USP38: variants seen among roughly 807,000 people sequenced by gnomAD.
USP38 encodes the protein ubiquitin carboxyl-terminal hydrolase 38.
A neutral mutation model predicts 94.3 loss-of-function variants in USP38; 49 were observed. That is an observed-to-expected ratio of 0.52 (90% CI 0.41 to 0.66). USP38 has a LOEUF of 0.66. Among genes scored for constraint, USP38 ranks in the 30% least tolerant of loss-of-function variants. USP38 has a pLI of 0.00. For missense variants in USP38, 1,128 were observed against 1,229.4 expected, an observed-to-expected ratio of 0.92 and a Z score of 1.23; for synonymous variants, 468 against 463.6, an observed-to-expected ratio of 1.01 and a Z score of -0.12.
At chr4:143,189,436 G>A in intron 2 of USP38, among the ~76,000 whole-genome samples, 1 of 151,778 alleles carries the variant, frequency 6.6e-6, no homozygotes, top group Non-Finnish European at 1.5e-5. Flanking sequence ...TGGTTTCTGT[G>A]CCCCTGTTAT....
intron 6 of USP38, among the ~76,000 whole-genome samples, chr4:143,207,533 A>G (rs1731904165): frequency 1.3e-5 from 2 of 152,134 alleles, no homozygotes; most frequent in South Asian, 4.1e-4. Flanking sequence ...GTGAGACTCC[A>G]TCTAAAAAAG....
Position 143,214,321 on chromosome 4 carries a change from A to G in USP38, c.2345A>G (p.Asp782Gly), listed in dbSNP as rs1581168625. 1.9e-6 allele frequency: 3 copies of G among 1,612,670 alleles called. No individual in the cohort carries two copies. The highest frequency in any genetic ancestry group is 1.1e-5 in the South Asian group (1 of 90,794). The change falls in exon 9 of 10, where the codon GAC becomes GGC. Residue 782 changes from aspartate to glycine, a missense_variant. Physicochemically the swap from Asp to Gly is moderately conservative, Grantham distance 94 (BLOSUM62 -1). Transcript: ENST00000307017. ...TATCATGTGAGAAGGAAAATTTTAG[A>G]CAATGTATCACTGCCACTGGTTTTG... ...QKYHVRRKIL[D>G]NVSLPLVLEL...
chr4:143,194,692 G>A (rs1478420215), intron 2 of USP38, among the ~76,000 whole-genome samples: 1 of 152,098 alleles, frequency 6.6e-6, no homozygotes, highest in Non-Finnish European at 1.5e-5. Context: ...ATTTTTAGTG[G>A]AGATGGGGTT....
At position 143,197,823 on chromosome 4, in the gene USP38, G is replaced by A. The variant is rs1731594802; in HGVS notation, c.949G>A (p.Val317Ile). 6.2e-7 allele frequency: 1 copy of A among 1,609,666 alleles called. No individual in the cohort carries two copies. Among genetic ancestry groups the A allele is most frequent in the Non-Finnish European group, 8.5e-7 (1 of 1,177,198 alleles). ...IDVTLLKIELVFNRLWFPLVR... is the reference protein window; with the variant it reads ...IDVTLLKIELIFNRLWFPLVR... The stretch of plus-strand genomic sequence containing the variant: ...GAAGGTGTCTTGTCTTATTTTGAAG[G>A]TTTTTAATCGACTTTGGTTTCCTCT... The change falls in exon 4 of 10, where the codon GTT becomes ATT. Residue 317 changes from valine (V) to isoleucine (I), a missense_variant and splice_region_variant. Val to Ile is a conservative substitution (Grantham distance 29, BLOSUM62 3). Coordinates refer to ENST00000307017, the MANE Select transcript of USP38 (RefSeq NM_032557.6).
intron 5 of USP38, chr4:143,204,621 T>G: frequency 3.2e-6 from 1 of 314,330 alleles, no homozygotes; most frequent in Non-Finnish European, 6.2e-6. Context: ...ATTCCTAGGC[T>G]CAAGTGATCC....
intron 5 of USP38, among the ~76,000 whole-genome samples, chr4:143,204,161 G>A (rs1178156311): frequency 6.6e-6 from 1 of 151,858 alleles, no homozygotes; most frequent in African/African-American, 2.4e-5. Context: ...TGTATTTTTA[G>A]TAGAGACAGG....
intron 7 of USP38, 75 bp from the exon 8 acceptor site, chr4:143,212,241 CTG>C: frequency 8.5e-7 from 1 of 1,174,560 alleles, no homozygotes; most frequent in Non-Finnish European, 1.2e-6. Context: ...TTATTAAACA[CTG>C]TATATTAAGA....
At chr4:143,187,708 T>C (rs1731268970) in intron 1 of USP38, 118 bp from the exon 2 acceptor site, 2 of 1,088,228 alleles carry the variant, frequency 1.8e-6, no homozygotes, top group Non-Finnish European at 2.6e-6. Context: ...TGTAGCATAA[T>C]AATCCTTCCT....
chr4:143,186,763 A>G (rs1731238337), intron 1 of USP38, among the ~76,000 whole-genome samples: 1 of 152,226 alleles, frequency 6.6e-6, no homozygotes, highest in Non-Finnish European at 1.5e-5. Flanking sequence ...GAAGGGTCAC[A>G]TGATACTTGC....
rs1731185656 is a variant in USP38 at position 143,185,428 on chromosome 4, C to A, written c.-23C>A. ...CGCCACCCGCTCCTTATCCCCTGGCCCTGGCCTTGCAGCGTGGCGACAATG... is the reference window on the plus strand; with the variant it reads ...CGCCACCCGCTCCTTATCCCCTGGCACTGGCCTTGCAGCGTGGCGACAATG... On this transcript the variant is annotated 5_prime_UTR_variant, in exon 1 of 10. Coordinates refer to ENST00000307017, the MANE Select transcript of USP38 (RefSeq NM_032557.6). The A allele has an allele frequency of 6.4e-7, 1 of 1,557,584 alleles. No homozygotes were observed. Among genetic ancestry groups the A allele is most frequent in the Non-Finnish European group, 8.7e-7 (1 of 1,148,580 alleles).
chr4:143,188,974 G>A (rs1182249324), intron 2 of USP38, among the ~76,000 whole-genome samples: 1 of 151,916 alleles, frequency 6.6e-6, no homozygotes, highest in Admixed American at 6.6e-5. Context: ...TTTTAGATTT[G>A]ATTAAATATG....
intron 3 of USP38, 62 bp downstream of exon 3, chr4:143,195,907 T>C: frequency 6.9e-7 from 1 of 1,439,254 alleles, no homozygotes; most frequent in South Asian, 1.5e-5. Flanking sequence ...ATTTTTTTCT[T>C]TGGGTGGTAT....
rs1190057372 is a variant in USP38, at chr4:143,185,507, G to A, written c.57G>A (p.Arg19=). The A allele has an allele frequency of 6.2e-7, 1 of 1,611,348 alleles. No homozygotes were observed. The highest frequency in any genetic ancestry group is 1.7e-5 in the Admixed American group (1 of 59,834). Residue 19 remains arginine (R), a synonymous_variant, in exon 1 of 10, where the codon CGG becomes CGA. Transcript: ENST00000307017. ...VSSSHPLPLK[R]VIVRKVVESA... is the part of the protein sequence containing the mutation. Reference sequence around the variant, plus strand: ...CCTCGCATCCCCTGCCCCTCAAGCGGGTGATTGTGCGGAAGGTGGTGGAAT... The same window carrying A: ...CCTCGCATCCCCTGCCCCTCAAGCGAGTGATTGTGCGGAAGGTGGTGGAAT...
intron 4 of USP38, among the ~76,000 whole-genome samples, chr4:143,198,704 G>A (rs1203732194): frequency 1.3e-5 from 2 of 152,114 alleles, no homozygotes; most frequent in Non-Finnish European, 2.9e-5. Flanking sequence ...TTCCACTGAA[G>A]GAAAGTCCAC....
intron 7 of USP38, among the ~76,000 whole-genome samples, chr4:143,211,053 T>C (rs1015016487): frequency 1.3e-5 from 2 of 151,978 alleles, no homozygotes; most frequent in African/African-American, 4.8e-5. Flanking sequence ...TTTTTGTGCT[T>C]TATCACTAGT....
Position 143,187,725 on chromosome 4 carries a change from C to T in USP38, c.683-101C>T, listed in dbSNP as rs529493849. ...TAGCATAATAATCCTTCCTAGTTAA[C>T]ACCTTTGCTGCAATGACTTTTTTTT... On this transcript the variant is annotated intron_variant, in intron 1 of 9. Transcript: ENST00000307017. 39 of 1,281,368 alleles carry T rather than the reference C, an allele frequency of 3.0e-5. No individual in the cohort carries two copies. In the African/African-American group the frequency reaches 5.4e-4, roughly 18 times the overall value. 79.4% of individuals were successfully genotyped at this position (1,281,368 alleles called of 1,614,324 possible).
At position 143,223,830 on chromosome 4, in the gene USP38, A is replaced by G. The variant is rs1282465519; in HGVS notation, c.*3374A>G. On this transcript the variant is annotated 3_prime_UTR_variant, in exon 10 of 10. Transcript: ENST00000307017. ...TTCTCATAAAAATGTGATAGTTTAT[A>G]TATCCTTTCATCATACGTTTTTTCT... The G allele has an allele frequency of 1.3e-5, 2 of 152,114 alleles. No individual in the cohort carries two copies. Among genetic ancestry groups the G allele is most frequent in the Non-Finnish European group, 2.9e-5 (2 of 67,990 alleles). 9.4% of individuals were successfully genotyped at this position (152,114 alleles called of 1,614,324 possible). A position where few individuals can be genotyped will look rare whatever the true frequency, so the allele number is the denominator to read the frequency against.
intron 1 of USP38, among the ~76,000 whole-genome samples, chr4:143,187,608 C>G (rs1009508603): frequency 6.6e-6 from 1 of 152,150 alleles, no homozygotes; most frequent in African/African-American, 2.4e-5. Flanking sequence ...AGTATTCTGT[C>G]TATAGTATGA....
rs140623829 is a variant in USP38, at chr4:143,203,694, A to G, written c.1209+128A>G. 1.1e-4 allele frequency: 108 copies of G among 960,570 alleles called. 1 individual carries two copies. In the East Asian group the frequency reaches 3.2e-3, roughly 28 times the overall value. 59.5% of individuals were successfully genotyped at this position (960,570 alleles called of 1,614,324 possible). ...TTTTTATTTGAAAAATGCAGTTAGA[A>G]TCAGGTTTCATTTAGGGAGTAACAG... On this transcript the variant is annotated intron_variant, in intron 5 of 9. Coordinates refer to ENST00000307017, the MANE Select transcript of USP38 (RefSeq NM_032557.6).
Sources: allele counts gnomAD v4.1 joint callset (sites outside exome capture counted in the v4.1 genomes callset), GRCh38; gene constraint gnomAD v4.1.1; transcripts MANE v1.5; gene names NCBI Gene and HGNC (gene_info 2026-07-23, HGNC 2026-07-21).